Variants in UNC79 observed in about 807,000 individuals in gnomAD.
UNC79 encodes the protein unc-79 subunit of NALCN channel complex.
A neutral mutation model predicts 283.1 loss-of-function variants in UNC79; 37 were observed. The observed-to-expected ratio is 0.13, with a 90% CI of 0.10 to 0.17. UNC79 has a LOEUF of 0.17. Among genes scored for constraint, UNC79 ranks in the 10% least tolerant of loss-of-function variants. The pLI, the probability that UNC79 is intolerant of heterozygous loss-of-function variation, is 1.00. For synonymous variants in UNC79, 1,107 were observed against 1,200.2 expected (o/e 0.92, Z 1.61); for missense variants, 2,272 against 3,211.1 (o/e 0.71, Z 7.07).
At chr14:93,563,437 A>G (rs1013719175) in intron 14 of UNC79, among the ~76,000 whole-genome samples, 2 of 152,196 alleles carry the variant, frequency 1.3e-5, no homozygotes, top group East Asian at 1.9e-4. Context: ...CTCAGCCTAT[A>G]TAACAGCATG....
intron 41 of UNC79, among the ~76,000 whole-genome samples, chr14:93,680,997 CT>C (rs1396097993): frequency 2.0e-5 from 3 of 152,164 alleles, no homozygotes; most frequent in African/African-American, 7.2e-5. Context: ...GATTTATTTA[CT>C]TTTCCTTACA....
intron 41 of UNC79, among the ~76,000 whole-genome samples, chr14:93,676,158 G>T (rs1442345783): frequency 6.6e-6 from 1 of 152,178 alleles, no homozygotes; most frequent in East Asian, 1.9e-4. Flanking sequence ...CCTGGCTCAA[G>T]TGATCCTCCT....
intron 35 of UNC79, among the ~76,000 whole-genome samples, chr14:93,652,065 T>A (rs2070344303): frequency 6.6e-6 from 1 of 152,004 alleles, no homozygotes; most frequent in South Asian, 2.1e-4. Flanking sequence ...CCCCGCCTTT[T>A]GTTTCTTTTT....
Position 93,615,489 on chromosome 14 carries a change from C to T in UNC79, c.4042-1633C>T, listed in dbSNP as rs760035403. Among the ~76,000 whole-genome samples, 8 of 151,774 alleles carry T rather than the reference C, an allele frequency of 5.3e-5. No homozygotes were observed. In the East Asian group the frequency reaches 7.7e-4, roughly 15 times the overall value. On this transcript the variant is annotated intron_variant, in intron 27 of 48. Transcript: ENST00000555664. The stretch of plus-strand genomic sequence containing the variant: ...TTGTAATCCCAGCACTTTGGTAGGC[C>T]GAGGTGGGAGGATCACGAGGTCAGG...
chr14:93,344,083 T>C (rs1028120245), intron 1 of UNC79, among the ~76,000 whole-genome samples: 1 of 152,184 alleles, frequency 6.6e-6, no homozygotes, highest in Non-Finnish European at 1.5e-5. Context: ...GAGTCACCAC[T>C]GTCGAAAGTG....
chr14:93,389,477 A>G (rs891170867), intron 1 of UNC79, among the ~76,000 whole-genome samples: 2 of 152,124 alleles, frequency 1.3e-5, no homozygotes, highest in Non-Finnish European at 2.9e-5. Flanking sequence ...TCCTGGAGGC[A>G]ATTTTCATAT....
At position 93,409,661 on chromosome 14, in the gene UNC79, C is replaced by T. The variant is rs139108813; in HGVS notation, c.-350-58010C>T. 7.7e-3 allele frequency among the ~76,000 whole-genome samples: 1,166 copies of T among 152,118 alleles called. 12 individuals carry two copies. The highest frequency in any genetic ancestry group is 0.051 in the Middle Eastern group (15 of 294). On this transcript the variant is annotated intron_variant, in intron 1 of 49. Coordinates refer to the UNC79 transcript ENST00000256339. The stretch of plus-strand genomic sequence containing the variant: ...TATGATAGCACCACTGCACTACAGC[C>T]TGGGTGACAGAGCAAGACCCTGTCT...
chr14:93,649,335 A>T (rs1351243220), intron 35 of UNC79, among the ~76,000 whole-genome samples: 3 of 152,212 alleles, frequency 2.0e-5, no homozygotes, highest in Non-Finnish European at 2.9e-5. Context: ...GAAGATTTTA[A>T]ACATACTGCA....
At chr14:93,591,946 G>A (rs2064714818) in intron 22 of UNC79, among the ~76,000 whole-genome samples, 1 of 152,166 alleles carries the variant, frequency 6.6e-6, no homozygotes. Flanking sequence ...AGTACAGTGT[G>A]TACCACAGTT....
intron 12 of UNC79, 115 bp downstream of exon 12, chr14:93,538,333 C>T: frequency 8.7e-6 from 9 of 1,030,196 alleles, no homozygotes; most frequent in Non-Finnish European, 1.2e-5. Context: ...AGCCCAGATG[C>T]TCACCTTCCC....
intron 14 of UNC79, among the ~76,000 whole-genome samples, chr14:93,563,619 A>G (rs2062696961): frequency 1.3e-5 from 2 of 152,220 alleles, no homozygotes; most frequent in African/African-American, 4.8e-5. Context: ...ACTACAGCAT[A>G]GCCTGCTTTT....
chr14:93,454,087 C>A (rs1487728580), intron 1 of UNC79, among the ~76,000 whole-genome samples: 1 of 151,404 alleles, frequency 6.6e-6, no homozygotes, highest in African/African-American at 2.4e-5. Context: ...GCTGTGTCAC[C>A]CAAGCTGGAG....
chr14:93,398,820 GGC>G (rs1231838135), intron 1 of UNC79, among the ~76,000 whole-genome samples: 1 of 152,130 alleles, frequency 6.6e-6, no homozygotes, highest in African/African-American at 2.4e-5. Context: ...GGTTTAGCTA[GGC>G]AAGAGGTTAA....
At chr14:93,471,846 G>A (rs1052805684) in intron 2 of UNC79, among the ~76,000 whole-genome samples, 2 of 151,986 alleles carry the variant, frequency 1.3e-5, no homozygotes. Context: ...GTATGAAGCT[G>A]TTGTTGCTAT....
chr14:93,371,548 A>G (rs1446621121), intron 1 of UNC79, among the ~76,000 whole-genome samples: 1 of 152,114 alleles, frequency 6.6e-6, no homozygotes, highest in Non-Finnish European at 1.5e-5. Flanking sequence ...AAGAACAAAG[A>G]TAAGAATTAC....
At chr14:93,669,577 G>A (rs1371689405) in intron 40 of UNC79, among the ~76,000 whole-genome samples, 2 of 152,192 alleles carry the variant, frequency 1.3e-5, no homozygotes, top group Admixed American at 1.3e-4. Context: ...TGTGGACACA[G>A]CTCAGTGTCA....
At chr14:93,698,574 C>T (rs1279435537) in intron 47 of UNC79, among the ~76,000 whole-genome samples, 1 of 143,712 alleles carries the variant, frequency 7.0e-6, no homozygotes, top group Non-Finnish European at 1.5e-5. Flanking sequence ...CAACCTCTGC[C>T]TCCCGGGTTC....
chr14:93,592,084 A>G (rs765847109), intron 22 of UNC79, among the ~76,000 whole-genome samples: 7 of 151,880 alleles, frequency 4.6e-5, no homozygotes, highest in Non-Finnish European at 8.8e-5. Context: ...TTAACTTTTT[A>G]TAATAGATTC....
Position 93,538,319 on chromosome 14 carries a change from C to T in UNC79, c.1352+101C>T, listed in dbSNP as rs548145209. On this transcript the variant is annotated intron_variant, in intron 12 of 48. Transcript: ENST00000555664. The stretch of plus-strand genomic sequence containing the variant: ...GCATATTTAATGCAACCTCAAATGC[C>T]CTTAGCCCAGATGCTCACCTTCCCA... 3.8e-5 allele frequency: 46 copies of T among 1,224,760 alleles called. No homozygotes were observed. In the African/African-American group the frequency reaches 5.2e-4, roughly 14 times the overall value. 75.9% of individuals were successfully genotyped at this position (1,224,760 alleles called of 1,614,324 possible). A position where few individuals can be genotyped will look rare whatever the true frequency, so the allele number is the denominator to read the frequency against.
Sources: allele counts gnomAD v4.1 joint callset (sites outside exome capture counted in the v4.1 genomes callset), GRCh38; gene constraint gnomAD v4.1.1; transcripts MANE v1.5; gene names NCBI Gene and HGNC (gene_info 2026-07-23, HGNC 2026-07-21).